Variants in CNTNAP5 observed in about 807,000 individuals in gnomAD.
CNTNAP5 encodes contactin associated protein family member 5.
In CNTNAP5, 72 loss-of-function variants were observed where a neutral mutation model predicts 150.2. That is an observed-to-expected ratio of 0.48 (90% CI 0.40 to 0.58). The LOEUF is 0.58. Among genes scored for constraint, CNTNAP5 ranks in the 20% least tolerant of loss-of-function variants. The pLI, the probability that CNTNAP5 is intolerant of heterozygous loss-of-function variation, is 0.00. For synonymous variants in CNTNAP5, 672 were observed against 619.8 expected, an observed-to-expected ratio of 1.08 and a Z score of -1.25; for missense variants, 1,636 against 1,626.2, an observed-to-expected ratio of 1.01 and a Z score of -0.10.
intron 16 of CNTNAP5, 52 bp from the exon 17 acceptor site, chr2:124,772,747 T>G: frequency 7.0e-7 from 1 of 1,432,000 alleles, no homozygotes; most frequent in South Asian, 1.1e-5. Flanking sequence ...GCCTGTGCCT[T>G]GAATGAGCTA....
intron 1 of CNTNAP5, among the ~76,000 whole-genome samples, chr2:124,117,621 C>T (rs1204989691): frequency 6.6e-6 from 1 of 151,984 alleles, no homozygotes; most frequent in African/African-American, 2.4e-5. Context: ...TCAAATAGTA[C>T]TCAGTAAAAA....
At chr2:124,413,193 A>G (rs1461794275) in intron 3 of CNTNAP5, among the ~76,000 whole-genome samples, 6 of 141,606 alleles carry the variant, frequency 4.2e-5, no homozygotes, top group Non-Finnish European at 7.9e-5. Context: ...ACCATCTCAC[A>G]CCAGTTAGAA....
chr2:124,425,813 T>A (rs188942326), intron 4 of CNTNAP5, among the ~76,000 whole-genome samples: 1 of 152,268 alleles, frequency 6.6e-6, no homozygotes, highest in Non-Finnish European at 1.5e-5. Context: ...GGCTCACGTC[T>A]TTGTTATCTT....
intron 5 of CNTNAP5, among the ~76,000 whole-genome samples, chr2:124,445,674 G>A (rs1477614266): frequency 6.6e-6 from 1 of 152,190 alleles, no homozygotes; most frequent in Non-Finnish European, 1.5e-5. Context: ...GGAAGTGGCA[G>A]CTACCGCCTG....
intron 21 of CNTNAP5, among the ~76,000 whole-genome samples, chr2:124,892,635 C>T (rs1678217024): frequency 6.6e-6 from 1 of 152,116 alleles, no homozygotes; most frequent in South Asian, 2.1e-4. Flanking sequence ...GGGCCAAGCC[C>T]TACAGGTGAG....
At chr2:124,633,798 A>G (rs187709125) in intron 12 of CNTNAP5, among the ~76,000 whole-genome samples, 1 of 152,308 alleles carries the variant, frequency 6.6e-6, no homozygotes, top group East Asian at 1.9e-4. Context: ...CCAAGCCTCA[A>G]TTCTTGTACT....
In CNTNAP5 at chr2:124,284,980, T is replaced by G. The variant is rs568859251; in HGVS notation, c.381+42587T>G. 2.7e-4 allele frequency among the ~76,000 whole-genome samples: 41 copies of G among 152,248 alleles called. 2 individuals are homozygous for G. The South Asian group carries it at 7.5e-3, about 28-fold the overall frequency. On this transcript the variant is annotated intron_variant, in intron 3 of 23. Transcript: ENST00000682447. ...TCACCCAGGCTGGAGTGCAATGGCA[T>G]GATCATAGCTCACTGCAGCCTCAAT...
At chr2:124,234,238 C>T (rs1159027941) in intron 2 of CNTNAP5, among the ~76,000 whole-genome samples, 2 of 152,148 alleles carry the variant, frequency 1.3e-5, no homozygotes. Flanking sequence ...TAGTCCTGAG[C>T]AGCAGATGGG....
intron 5 of CNTNAP5, among the ~76,000 whole-genome samples, chr2:124,445,525 G>A (rs922731017): frequency 6.6e-6 from 1 of 152,224 alleles, no homozygotes; most frequent in Non-Finnish European, 1.5e-5. Flanking sequence ...ATGAAATCAA[G>A]TCAGCTATTA....
intron 1 of CNTNAP5, among the ~76,000 whole-genome samples, chr2:124,081,941 C>T (rs927809985): frequency 3.3e-5 from 5 of 152,240 alleles, no homozygotes; most frequent in African/African-American, 9.6e-5. Context: ...TATATCAATA[C>T]AAAATCCCCT....
At chr2:124,787,044 T>C (rs1405210843) in intron 17 of CNTNAP5, among the ~76,000 whole-genome samples, 1 of 152,016 alleles carries the variant, frequency 6.6e-6, no homozygotes, top group Non-Finnish European at 1.5e-5. Flanking sequence ...TCTCAAACCT[T>C]AAGGAGTGCA....
intron 13 of CNTNAP5, among the ~76,000 whole-genome samples, chr2:124,743,913 G>A (rs901529588): frequency 2.6e-5 from 4 of 152,124 alleles, no homozygotes; most frequent in African/African-American, 9.7e-5. Context: ...TACTTTGTCT[G>A]CAATGAGCTT....
In CNTNAP5 at chr2:124,434,660, G is replaced by A; in HGVS notation, c.706G>A (p.Gly236Arg). 6.2e-7 allele frequency: 1 copy of A among 1,613,106 alleles called. No homozygotes were observed. Among genetic ancestry groups the A allele is most frequent in the Non-Finnish European group, 8.5e-7 (1 of 1,179,574 alleles). Residue 236 changes from glycine (G) to arginine (R), a missense_variant, in exon 5 of 24, where the codon GGG becomes AGG. Physicochemically the swap from Gly to Arg is moderately radical, Grantham distance 125. Transcript: ENST00000682447. ...CCACATCACCTTGGAACTCCAGAAG[G>A]GGAGGCTCGCCCTACACCTCAATTT... Reference protein sequence around the residue: ...GDHITLELQKGRLALHLNLGD... With the variant: ...GDHITLELQKRRLALHLNLGD...
intron 7 of CNTNAP5, among the ~76,000 whole-genome samples, chr2:124,476,708 T>C (rs753661001): frequency 1.3e-5 from 2 of 152,110 alleles, no homozygotes; most frequent in Admixed American, 6.6e-5. Context: ...TCTTCCCATA[T>C]ACCACCCTGG....
rs528847391 is a variant in CNTNAP5 at position 124,702,175 on chromosome 2, A to G, written c.2078-45054A>G. On this transcript the variant is annotated intron_variant, in intron 13 of 23. Coordinates refer to ENST00000682447, the MANE Select transcript of CNTNAP5 (RefSeq NM_001367498.1). ...TCCATTCAGGGCTAGCGGAAAAAGAATAACACAACAAAACCAAATTCTTCT... is the reference window on the plus strand; with the variant it reads ...TCCATTCAGGGCTAGCGGAAAAAGAGTAACACAACAAAACCAAATTCTTCT... Among the ~76,000 whole-genome samples, 20 of 152,054 alleles carry G rather than the reference A, an allele frequency of 1.3e-4. No homozygotes were observed. In the East Asian group the frequency reaches 3.7e-3, roughly 28 times the overall value.
chr2:124,829,514 T>G (rs185141206), intron 19 of CNTNAP5, among the ~76,000 whole-genome samples: 1 of 151,966 alleles, frequency 6.6e-6, no homozygotes, highest in Non-Finnish European at 1.5e-5. Flanking sequence ...TAACATAACA[T>G]CTCAACAGGA....
intron 11 of CNTNAP5, among the ~76,000 whole-genome samples, chr2:124,566,584 G>A (rs925416467): frequency 8.5e-5 from 13 of 152,152 alleles, no homozygotes; most frequent in African/African-American, 3.1e-4. Context: ...ATTGCTCAAT[G>A]CCTACACTGT....
intron 12 of CNTNAP5, among the ~76,000 whole-genome samples, chr2:124,633,285 C>A (rs1470216153): frequency 6.6e-6 from 1 of 152,120 alleles, no homozygotes; most frequent in Non-Finnish European, 1.5e-5. Flanking sequence ...AAATGAAAAA[C>A]AAATTTGTTA....
At chr2:124,073,638 T>C (rs961236399) in intron 1 of CNTNAP5, among the ~76,000 whole-genome samples, 3 of 152,000 alleles carry the variant, frequency 2.0e-5, no homozygotes, top group African/African-American at 7.2e-5. Flanking sequence ...TACAAGGAAG[T>C]ATCATCTCAC....
Sources: gnomAD v4.1 joint callset for allele counts (sites outside exome capture counted in the v4.1 genomes callset) on GRCh38, gnomAD v4.1.1 for gene constraint, MANE v1.5 for transcripts, NCBI Gene and HGNC (gene_info 2026-07-23, HGNC 2026-07-21) for gene names.